The following SLCO3A1 variants were observed in gnomAD, a reference collection of about 807,000 sequenced individuals.
SLCO3A1 encodes solute carrier organic anion transporter family member 3A1.
Under a neutral mutation model 63.1 loss-of-function variants are expected in SLCO3A1, and 27 were observed. The ratio of observed to expected loss-of-function variants is 0.43; its 90% CI spans 0.32 to 0.59. SLCO3A1 has a LOEUF of 0.59. Among genes scored for constraint, SLCO3A1 ranks in the 20% least tolerant of loss-of-function variants. The pLI is 0.09. For missense variants in SLCO3A1, 773 were observed against 945.8 expected, an observed-to-expected ratio of 0.82 and a Z score of 2.40; for synonymous variants, 473 against 409.9, an observed-to-expected ratio of 1.15 and a Z score of -1.86.
In SLCO3A1 at chr15:91,967,533, G is replaced by A. The variant is rs545297506; in HGVS notation, c.646+51075G>A. ...CGTTGTGGGGACATAACGCAGAAGC[G>A]TTGCCACAGGATAAAGACAGCACTC... On this transcript the variant is annotated intron_variant, in intron 2 of 9. Transcript: ENST00000318445. The surrounding 1 kb of genome is among the most constrained non-coding windows in gnomAD (Gnocchi z 4.4). Among the ~76,000 whole-genome samples, 6 of 152,276 alleles carry A rather than the reference G, an allele frequency of 3.9e-5. No homozygotes were observed. In the East Asian group the frequency reaches 5.8e-4, roughly 15 times the overall value.
chr15:92,154,718 G>A (rs1480421374), intron 9 of SLCO3A1, among the ~76,000 whole-genome samples: 1 of 152,042 alleles, frequency 6.6e-6, no homozygotes, highest in East Asian at 1.9e-4. Context: ...GGGCTGCAGA[G>A]GTGTACTGGT....
intron 2 of SLCO3A1, among the ~76,000 whole-genome samples, chr15:92,056,403 C>G (rs977555470): frequency 5.9e-5 from 9 of 152,188 alleles, no homozygotes; most frequent in African/African-American, 1.7e-4. Flanking sequence ...GAACCTTAGT[C>G]TCTCTTGGGC....
At chr15:92,063,570 A>G (rs555100523) in intron 2 of SLCO3A1, among the ~76,000 whole-genome samples, 4 of 152,164 alleles carry the variant, frequency 2.6e-5, no homozygotes, top group Non-Finnish European at 5.9e-5. Flanking sequence ...GAAACTTTTT[A>G]AAAAATGGGC....
chr15:91,908,384 A>G (rs1453537793), intron 1 of SLCO3A1: 5 of 152,020 alleles, frequency 3.3e-5, no homozygotes, highest in African/African-American at 9.7e-5. Flanking sequence ...CAGAAATAAA[A>G]CCTCATTGAC....
At chr15:92,014,196 G>A (rs2046399751) in intron 2 of SLCO3A1, among the ~76,000 whole-genome samples, 1 of 152,106 alleles carries the variant, frequency 6.6e-6, no homozygotes. Context: ...CCAAGGAAAA[G>A]AAAATGCAGA....
chr15:92,043,697 C>G (rs1206992140), intron 2 of SLCO3A1, among the ~76,000 whole-genome samples: 3 of 152,230 alleles, frequency 2.0e-5, no homozygotes, highest in Admixed American at 6.5e-5. Context: ...CACTGCATCT[C>G]ATCCATTTTC....
intron 2 of SLCO3A1, among the ~76,000 whole-genome samples, chr15:92,093,536 G>A (rs1038970918): frequency 2.6e-5 from 4 of 152,102 alleles, no homozygotes; most frequent in Non-Finnish European, 5.9e-5. Context: ...ACTATATTAC[G>A]CGGCTTCCTT....
At chr15:91,906,073 T>C (rs539947559) in intron 1 of SLCO3A1, among the ~76,000 whole-genome samples, 1 of 152,342 alleles carries the variant, frequency 6.6e-6, no homozygotes, top group South Asian at 2.1e-4. Flanking sequence ...TGGGCTCAGG[T>C]TCCTCATCTG....
At chr15:91,939,146 T>TCC (rs1899524222) in intron 2 of SLCO3A1, among the ~76,000 whole-genome samples, 1 of 152,126 alleles carries the variant, frequency 6.6e-6, no homozygotes, top group Non-Finnish European at 1.5e-5. Flanking sequence ...AGCATCTGCT[T>TCC]CTGGGGAGGC....
In SLCO3A1 at chr15:92,164,047, T is replaced by TA. The variant is rs1243034921; in HGVS notation, c.*913dup. On this transcript the variant is annotated 3_prime_UTR_variant, in exon 10 of 10. Coordinates refer to ENST00000318445, the MANE Select transcript of SLCO3A1 (RefSeq NM_013272.4). Reference sequence around the variant, plus strand: ...TTTTGCCATTTTTAAAAGAAAAAAATACAATCCATATGAATTTCAAACTGT... The same window carrying TA: ...TTTTGCCATTTTTAAAAGAAAAAAATAACAATCCATATGAATTTCAAACTGT... The TA allele has an allele frequency of 3.0e-6, 3 of 984,222 alleles. No individual in the cohort carries two copies. The highest frequency in any genetic ancestry group is 2.3e-4 in the East Asian group (2 of 8,828). 61.0% of individuals were successfully genotyped at this position (984,222 alleles called of 1,614,324 possible).
rs115830123 is a variant in SLCO3A1, at chr15:92,075,646, C to G, written c.647-19235C>G. Among the ~76,000 whole-genome samples, 1,209 of 152,344 alleles carry G rather than the reference C, an allele frequency of 7.9e-3. 15 individuals carry two copies. Among genetic ancestry groups the G allele is most frequent in the African/African-American group, 0.028 (1,145 of 41,572 alleles). On this transcript the variant is annotated intron_variant, in intron 2 of 9. Coordinates refer to ENST00000318445, the MANE Select transcript of SLCO3A1 (RefSeq NM_013272.4). The stretch of plus-strand genomic sequence containing the variant: ...AGATAGTTTGGCCATGTTGAATCCT[C>G]AGTCTACCTCTAGTGTATGAATCTT...
intron 1 of SLCO3A1, among the ~76,000 whole-genome samples, chr15:91,915,194 G>A (rs911467236): frequency 6.6e-6 from 1 of 152,096 alleles, no homozygotes; most frequent in Admixed American, 6.5e-5. Flanking sequence ...CTTCTTGCTA[G>A]ATGGCTTCTT....
chr15:92,067,888 A>C (rs556044807), intron 2 of SLCO3A1, among the ~76,000 whole-genome samples: 2 of 152,232 alleles, frequency 1.3e-5, no homozygotes, highest in East Asian at 3.9e-4. Context: ...TCTCGTGAGG[A>C]TCAGCTTCTT....
intron 2 of SLCO3A1, among the ~76,000 whole-genome samples, chr15:92,052,046 G>A (rs1050318896): frequency 1.3e-5 from 2 of 152,130 alleles, no homozygotes; most frequent in African/African-American, 4.8e-5. Context: ...GGGCTCCAGG[G>A]TTCTCGAATT....
chr15:91,936,074 C>A (rs1239429429), intron 2 of SLCO3A1, among the ~76,000 whole-genome samples: 1 of 152,168 alleles, frequency 6.6e-6, no homozygotes, highest in Admixed American at 6.5e-5. Flanking sequence ...GCTCCTAACC[C>A]TGACTAGCTC....
At position 92,020,366 on chromosome 15, in the gene SLCO3A1, A is replaced by G. The variant is rs181598116; in HGVS notation, c.647-74515A>G. On this transcript the variant is annotated intron_variant, in intron 2 of 9. Transcript: ENST00000318445. ...GTTTGAAGCAATGCTGAAATCTGTC[A>G]ACTCAATGGATTAATAGTCTAATCT... Among the ~76,000 whole-genome samples, 59 of 152,312 alleles carry G rather than the reference A, an allele frequency of 3.9e-4. 1 individual carries two copies. The highest frequency in any genetic ancestry group is 7.3e-5 in the Non-Finnish European group (5 of 68,028).
rs1896852091 is a variant in SLCO3A1 at position 91,854,215 on chromosome 15, G to T, written c.180+127G>T. 8.8e-7 allele frequency: 1 copy of T among 1,138,652 alleles called. No individual in the cohort carries two copies. The highest frequency in any genetic ancestry group is 1.1e-6 in the Non-Finnish European group (1 of 891,430). The allele number at this position is 1,138,652 out of a possible 1,614,324, so 70.5% of individuals were successfully genotyped here. On this transcript the variant is annotated intron_variant, in intron 1 of 9. Transcript: ENST00000318445. This position sits in a 1 kb window ranked among gnomAD's most constrained non-coding sequence, Gnocchi z 6.4. ...GGCATGACCTCGGCCCGGCGTGGAG[G>T]TTGGCGAGTGGTGCAGAGGCGGCCG...
At chr15:91,891,787 A>G (rs753316270) in intron 1 of SLCO3A1, among the ~76,000 whole-genome samples, 2 of 152,222 alleles carry the variant, frequency 1.3e-5, no homozygotes, top group African/African-American at 2.4e-5. Flanking sequence ...ATTCCTCTGC[A>G]TCAGGGTTTG....
chr15:92,114,801 T>A (rs1351808926), intron 4 of SLCO3A1, among the ~76,000 whole-genome samples: 2 of 152,164 alleles, frequency 1.3e-5, no homozygotes, highest in African/African-American at 4.8e-5. Flanking sequence ...AATACCTGAA[T>A]GTTAAGCACG....
Sources: allele counts gnomAD v4.1 joint callset (sites outside exome capture counted in the v4.1 genomes callset), GRCh38; gene constraint gnomAD v4.1.1; non-coding constraint Gnocchi (gnomAD v3.1); transcripts MANE v1.5; gene names NCBI Gene and HGNC (gene_info 2026-07-23, HGNC 2026-07-21).